Variants in SLC27A1 observed in about 807,000 individuals in gnomAD.
SLC27A1 encodes solute carrier family 27 member 1.
A neutral mutation model predicts 62.2 loss-of-function variants in SLC27A1; 61 were observed. The observed-to-expected ratio is 0.98, with a 90% CI of 0.80 to 1.21. SLC27A1 has a LOEUF of 1.21. Ranked by LOEUF, SLC27A1 falls within the 50% of genes most tolerant of loss-of-function variation. The pLI, the probability that SLC27A1 is intolerant of heterozygous loss-of-function variation, is 0.00. For synonymous variants in SLC27A1, 435 were observed against 408.6 expected (o/e 1.06, Z -0.78); for missense variants, 903 against 932.1 (o/e 0.97, Z 0.41).
In SLC27A1 at chr19:17,500,289, T is replaced by A. The variant is rs1027908354; in HGVS notation, c.1218T>A (p.Cys406Ter). 14 of 1,613,914 alleles carry A rather than the reference T, an allele frequency of 8.7e-6. No homozygotes were observed. Among genetic ancestry groups the A allele is most frequent in the Non-Finnish European group, 1.1e-5 (13 of 1,179,938 alleles). ...TCACCCCATTCCAGGTCGGCTCCTG[T>A]GGTTTCAACAGCCGCATCCTGCCCC... The part of the protein sequence containing the change: ...IANMDGKVGS[C>*]GFNSRILPHV... Residue 406 changes from cysteine (C) to a stop codon, truncating the protein, a stop_gained, in exon 8 of 12, where the codon TGT becomes TGA. Coordinates refer to ENST00000252595, the MANE Select transcript of SLC27A1 (RefSeq NM_198580.3). LOFTEE classifies it high-confidence loss of function.
Position 17,472,617 on chromosome 19 carries a change from C to T in SLC27A1, c.167+1910C>T, listed in dbSNP as rs564155624. On this transcript the variant is annotated intron_variant, in intron 1 of 11. Coordinates refer to ENST00000252595, the MANE Select transcript of SLC27A1 (RefSeq NM_198580.3). Reference sequence around the variant, plus strand: ...TCTTGGCTCACTGCAACCTCTGCCTCCCAGGTTCAAGTGATTCTCCTGCGT... The same window carrying T: ...TCTTGGCTCACTGCAACCTCTGCCTTCCAGGTTCAAGTGATTCTCCTGCGT... Among the ~76,000 whole-genome samples, 12 of 152,098 alleles carry T rather than the reference C, an allele frequency of 7.9e-5. No homozygotes were observed. The South Asian group carries it at 2.5e-3, about 32-fold the overall frequency.
At chr19:17,479,421 G>T (rs2075154420) in intron 1 of SLC27A1, among the ~76,000 whole-genome samples, 1 of 152,068 alleles carries the variant, frequency 6.6e-6, no homozygotes, top group African/African-American at 2.4e-5. Flanking sequence ...GCAGCGGGGG[G>T]CCCCATTCTT....
chr19:17,470,718 C>T lies in SLC27A1; in HGVS notation c.167+11C>T, dbSNP rs752842663. 1 of 1,570,998 alleles carries T rather than the reference C, an allele frequency of 6.4e-7. No individual in the cohort carries two copies. Among genetic ancestry groups the T allele is most frequent in the Non-Finnish European group, 8.6e-7 (1 of 1,165,000 alleles). The stretch of plus-strand genomic sequence containing the variant: ...GAGGCGAGACCTCTTGTGAGTGTTG[C>T]CGGGATCCGTCCAGGGCTGGGGGCG... On this transcript the variant is annotated intron_variant, in intron 1 of 11. Transcript: ENST00000252595.
intron 1 of SLC27A1, among the ~76,000 whole-genome samples, chr19:17,480,958 T>C (rs2075171879): frequency 6.6e-6 from 1 of 151,576 alleles, no homozygotes; most frequent in Non-Finnish European, 1.5e-5. Flanking sequence ...GGAGTTTTGC[T>C]CTTGTTGCCC....
intron 6 of SLC27A1, among the ~76,000 whole-genome samples, chr19:17,491,881 T>TA (rs891887715): frequency 4.0e-5 from 6 of 151,368 alleles, no homozygotes; most frequent in Non-Finnish European, 5.9e-5. Flanking sequence ...CTCAAAAAAA[T>TA]AAAAAAAAGA....
At chr19:17,478,209 G>A (rs1001145374) in intron 1 of SLC27A1, among the ~76,000 whole-genome samples, 2 of 152,224 alleles carry the variant, frequency 1.3e-5, no homozygotes, top group African/African-American at 4.8e-5. Context: ...GCTCATGCCT[G>A]TAATCCCAGC....
At chr19:17,485,774 G>A (rs1000418840) in intron 1 of SLC27A1, among the ~76,000 whole-genome samples, 4 of 151,816 alleles carry the variant, frequency 2.6e-5, no homozygotes, top group African/African-American at 9.7e-5. Context: ...AGGGTGAGCC[G>A]AGATTGCACC....
chr19:17,498,155 G>A (rs1446828719), intron 7 of SLC27A1: 3 of 152,378 alleles, frequency 2.0e-5, no homozygotes, highest in Non-Finnish European at 2.9e-5. Flanking sequence ...GATCACTTGA[G>A]CCCAGGAGTT....
chr19:17,492,616 C>CAAA (rs35790162), intron 6 of SLC27A1, among the ~76,000 whole-genome samples: 2 of 70,604 alleles, frequency 2.8e-5, no homozygotes, highest in Non-Finnish European at 4.9e-5. Context: ...GACTCCATCT[C>CAAA]AAAAAAAAAA....
chr19:17,478,115 C>T (rs1047260038), intron 1 of SLC27A1, among the ~76,000 whole-genome samples: 2 of 152,174 alleles, frequency 1.3e-5, no homozygotes, highest in African/African-American at 2.4e-5. Flanking sequence ...TCACACCAGA[C>T]AAGCGCCTCA....
At chr19:17,488,723 G>T in intron 4 of SLC27A1, 125 bp from the exon 5 acceptor site, 1 of 757,186 alleles carries the variant, frequency 1.3e-6, no homozygotes, top group East Asian at 2.7e-5. Flanking sequence ...CTTCCTGCCA[G>T]CCTGTGAACT....
intron 1 of SLC27A1, among the ~76,000 whole-genome samples, chr19:17,473,774 A>G (rs1490546069): frequency 2.0e-5 from 3 of 152,132 alleles, no homozygotes; most frequent in Non-Finnish European, 2.9e-5. Flanking sequence ...AGGCAAGACA[A>G]TCACTTGAAC....
chr19:17,474,716 C>T (rs1431030442), intron 1 of SLC27A1, among the ~76,000 whole-genome samples: 3 of 151,570 alleles, frequency 2.0e-5, no homozygotes, highest in African/African-American at 4.8e-5. Context: ...CCGCAACCTC[C>T]GCCTCCCAGG....
chr19:17,490,069 C>T (rs1266782036), intron 6 of SLC27A1: 4 of 152,080 alleles, frequency 2.6e-5, no homozygotes, highest in African/African-American at 9.7e-5. Flanking sequence ...TGCTTGGCTT[C>T]GCTTTTGAGG....
intron 6 of SLC27A1, among the ~76,000 whole-genome samples, chr19:17,490,525 G>A (rs1298459087): frequency 6.6e-6 from 1 of 151,934 alleles, no homozygotes; most frequent in African/African-American, 2.4e-5. Context: ...AGTATAGAGA[G>A]TTCTGGTGCA....
chr19:17,471,148 T>C (rs1458803158), intron 1 of SLC27A1, among the ~76,000 whole-genome samples: 1 of 150,632 alleles, frequency 6.6e-6, no homozygotes, highest in African/African-American at 2.5e-5. Flanking sequence ...TCACCGGGGC[T>C]CACAGGGACG....
upstream of SLC27A1, among the ~76,000 whole-genome samples, chr19:17,469,739 G>C (rs2075055204): frequency 6.6e-6 from 1 of 151,324 alleles, no homozygotes; most frequent in African/African-American, 2.4e-5. Context: ...AGGGGGGCCG[G>C]AGTGAAACCC....
chr19:17,487,084 G>A, intron 2 of SLC27A1, 90 bp from the exon 3 acceptor site: 3 of 1,592,326 alleles, frequency 1.9e-6, no homozygotes, highest in Non-Finnish European at 2.6e-6. Flanking sequence ...GCACGGTCTG[G>A]GTATGCCCCG....
At chr19:17,476,049 G>C (rs1466574593) in intron 1 of SLC27A1, among the ~76,000 whole-genome samples, 1 of 152,168 alleles carries the variant, frequency 6.6e-6, no homozygotes, top group East Asian at 1.9e-4. Context: ...ACCAACTGTG[G>C]CCTCAGTTCC....
Sources: gnomAD v4.1 joint callset for allele counts (sites outside exome capture counted in the v4.1 genomes callset) on GRCh38, gnomAD v4.1.1 for gene constraint, MANE v1.5 for transcripts, NCBI Gene and HGNC (gene_info 2026-07-23, HGNC 2026-07-21) for gene names.